The following PCGF6 variants were observed in gnomAD, a reference collection of about 807,000 sequenced individuals.
The protein encoded by PCGF6 is polycomb group RING finger protein 6.
In PCGF6, 24 loss-of-function variants were observed where a neutral mutation model predicts 45.5. The ratio of observed to expected loss-of-function variants is 0.53; its 90% CI spans 0.38 to 0.74. The LOEUF is 0.74. PCGF6 is among the 30% of genes least tolerant of loss of function. PCGF6 has a pLI of 0.00. For synonymous variants in PCGF6, 152 were observed against 162.1 expected, an observed-to-expected ratio of 0.94 and a Z score of 0.47; for missense variants, 356 against 443.2, an observed-to-expected ratio of 0.80 and a Z score of 1.77.
At chr10:103,333,990 T>C (rs779105135) in intron 6 of PCGF6, 38 bp from the exon 7 acceptor site, 1 of 1,368,624 alleles carries the variant, frequency 7.3e-7, no homozygotes, top group Non-Finnish European at 9.9e-7. Flanking sequence ...TATTTAATAC[T>C]TTAAGCTATA....
At chr10:103,339,806 A>C (rs2093271877) in intron 6 of PCGF6, among the ~76,000 whole-genome samples, 2 of 71,168 alleles carry the variant, frequency 2.8e-5, no homozygotes, top group Non-Finnish European at 5.7e-5. Context: ...TGTCTCAAAA[A>C]AAAAACACAC....
chr10:103,332,991 G>A (rs1287361159), intron 7 of PCGF6, among the ~76,000 whole-genome samples: 1 of 151,906 alleles, frequency 6.6e-6, no homozygotes, highest in African/African-American at 2.4e-5. Context: ...GTGCATGCCT[G>A]TAATCCTAGC....
At chr10:103,326,070 G>A (rs2093217091) in intron 8 of PCGF6, among the ~76,000 whole-genome samples, 1 of 152,008 alleles carries the variant, frequency 6.6e-6, no homozygotes, top group African/African-American at 2.4e-5. Flanking sequence ...GATTAAAGCT[G>A]GAGGTGTGAA....
At chr10:103,317,764 T>A (rs531787645) in intron 8 of PCGF6, among the ~76,000 whole-genome samples, 1 of 139,476 alleles carries the variant, frequency 7.2e-6, no homozygotes, top group Admixed American at 7.1e-5. Flanking sequence ...CTTTTTTCTG[T>A]TTTTTTTTTG....
chr10:103,345,878 A>G (rs2093297098), intron 5 of PCGF6, among the ~76,000 whole-genome samples: 1 of 151,246 alleles, frequency 6.6e-6, no homozygotes, highest in Non-Finnish European at 1.5e-5. Context: ...ATTTGTGTAA[A>G]GTCACTCAGC....
At chr10:103,320,784 G>A (rs1592060784) in intron 8 of PCGF6, among the ~76,000 whole-genome samples, 2 of 151,980 alleles carry the variant, frequency 1.3e-5, no homozygotes, top group South Asian at 4.1e-4. Context: ...TAACAGTCCC[G>A]TGGGAATTAC....
At position 103,347,228 on chromosome 10, in the gene PCGF6, C is replaced by G; in HGVS notation, c.673+10G>C. ...TCTGTAAGTACATTATAGTATACAC[C>G]CAAACTTACCAGGTTTAGGTACTTC... On this transcript the variant is annotated intron_variant, in intron 5 of 9. Coordinates refer to ENST00000369847, the MANE Select transcript of PCGF6 (RefSeq NM_001011663.2). 1 of 1,593,952 alleles carries G rather than the reference C, an allele frequency of 6.3e-7. No homozygotes were observed. The highest frequency in any genetic ancestry group is 8.6e-7 in the Non-Finnish European group (1 of 1,163,064).
At position 103,347,342 on chromosome 10, in the gene PCGF6, C is replaced by T. The variant is rs1358494977; in HGVS notation, c.614-45G>A. The T allele has an allele frequency of 1.9e-6, 3 of 1,586,466 alleles. No homozygotes were observed. In the African/African-American group the frequency reaches 4.0e-5, roughly 21 times the overall value. Reference sequence around the variant, plus strand: ...AGACTAAATTACACTTAAAATGTAACTACTAGAGTCAGAGATTCTGGGATT... The same window carrying T: ...AGACTAAATTACACTTAAAATGTAATTACTAGAGTCAGAGATTCTGGGATT... On this transcript the variant is annotated intron_variant, in intron 4 of 9. Coordinates refer to ENST00000369847, the MANE Select transcript of PCGF6 (RefSeq NM_001011663.2).
chr10:103,347,355 A>C (rs1238956058), intron 4 of PCGF6, 40 bp downstream of exon 4: 1 of 1,587,010 alleles, frequency 6.3e-7, no homozygotes, highest in Admixed American at 1.7e-5. Flanking sequence ...CTAGAGTCAG[A>C]GATTCTGGGA....
At chr10:103,310,883 T>C (rs2093154951) in intron 9 of PCGF6, among the ~76,000 whole-genome samples, 1 of 152,134 alleles carries the variant, frequency 6.6e-6, no homozygotes, top group Middle Eastern at 3.2e-3. Flanking sequence ...TTGTATTTCG[T>C]AGAGATGGGG....
At chr10:103,327,642 A>G (rs2093223839) in intron 7 of PCGF6, among the ~76,000 whole-genome samples, 1 of 151,970 alleles carries the variant, frequency 6.6e-6, no homozygotes, top group Admixed American at 6.6e-5. Flanking sequence ...ATAAGTTTTA[A>G]AATTTTCATA....
intron 6 of PCGF6, among the ~76,000 whole-genome samples, chr10:103,337,211 C>T (rs765757198): frequency 5.3e-5 from 8 of 152,110 alleles, no homozygotes; most frequent in Non-Finnish European, 1.2e-4. Context: ...GGATACTACT[C>T]TCGGGTTTAC....
chr10:103,313,704 G>C (rs1188695341), intron 9 of PCGF6, among the ~76,000 whole-genome samples: 2 of 152,192 alleles, frequency 1.3e-5, no homozygotes, highest in African/African-American at 4.8e-5. Context: ...CATGTGGCCT[G>C]AGGGCCACAG....
chr10:103,318,723 G>A (rs377420968), intron 8 of PCGF6, among the ~76,000 whole-genome samples: 8 of 150,782 alleles, frequency 5.3e-5, no homozygotes, highest in African/African-American at 1.7e-4. Context: ...CAGCCTGGGC[G>A]ACAGAGCGAG....
At chr10:103,318,272 GTC>G (rs1196605844) in intron 8 of PCGF6, among the ~76,000 whole-genome samples, 5 of 150,880 alleles carry the variant, frequency 3.3e-5, no homozygotes, top group African/African-American at 1.2e-4. Flanking sequence ...GCAAAACCCT[GTC>G]TCTACAAAAA....
intron 6 of PCGF6, among the ~76,000 whole-genome samples, chr10:103,340,296 G>A (rs780851366): frequency 2.0e-5 from 3 of 149,336 alleles, no homozygotes; most frequent in South Asian, 2.1e-4. Flanking sequence ...GCAGAGCTAC[G>A]ACTTAAATCC....
At chr10:103,323,354 T>A (rs1045410555) in intron 8 of PCGF6, among the ~76,000 whole-genome samples, 2 of 152,156 alleles carry the variant, frequency 1.3e-5, no homozygotes, top group African/African-American at 4.8e-5. Context: ...TGGAGTGCAG[T>A]GGCGCCATCT....
chr10:103,327,585 AGTG>A (rs2093223536), intron 7 of PCGF6, among the ~76,000 whole-genome samples: 1 of 152,058 alleles, frequency 6.6e-6, no homozygotes, highest in African/African-American at 2.4e-5. Flanking sequence ...TAATTATTGG[AGTG>A]GTGTGTACAT....
chr10:103,347,888 G>A (rs2093305380), intron 3 of PCGF6, among the ~76,000 whole-genome samples: 1 of 152,188 alleles, frequency 6.6e-6, no homozygotes, highest in African/African-American at 2.4e-5. Context: ...AAGAATACGA[G>A]TTGAGGGCAG....
Sources: allele counts gnomAD v4.1 joint callset (sites outside exome capture counted in the v4.1 genomes callset), GRCh38; gene constraint gnomAD v4.1.1; transcripts MANE v1.5; gene names NCBI Gene and HGNC (gene_info 2026-07-23, HGNC 2026-07-21).